NT5C1B: variants seen among roughly 807,000 people sequenced by gnomAD.
The protein encoded by NT5C1B is 5'-nucleotidase, cytosolic IB.
NT5C1B carries 44 observed loss-of-function variants against 57.8 expected under a neutral mutation model. That is an observed-to-expected ratio of 0.76 (90% CI 0.60 to 0.98). The LOEUF is 0.98. NT5C1B is among the 50% of genes least tolerant of loss of function. The pLI is 0.00. For missense variants in NT5C1B, 742 were observed against 719.5 expected (o/e 1.03, Z -0.36); for synonymous variants, 284 against 282.6 (o/e 1.00, Z -0.05).
rs748019992 is a variant in NT5C1B, at chr2:18,585,121, G to A, written c.259-143C>T. On this transcript the variant is annotated intron_variant, in intron 3 of 8. Transcript: ENST00000304081. ...TCCTTAAGTAGGGCTTAAGGGACTC[G>A]GACATTTCTAGGCCTCAGCTGTTTG... 7.4e-6 allele frequency: 8 copies of A among 1,087,816 alleles called. No homozygotes were observed. In the African/African-American group the frequency reaches 9.2e-5, roughly 13 times the overall value. The allele number at this position is 1,087,816 out of a possible 1,614,324, so 67.4% of individuals were successfully genotyped here. A position where few individuals can be genotyped will look rare whatever the true frequency, so the allele number is the denominator to read the frequency against.
chr2:18,571,686 T>C (rs1449051119), intron 8 of NT5C1B, among the ~76,000 whole-genome samples: 1 of 124,410 alleles, frequency 8.0e-6, no homozygotes, highest in Non-Finnish European at 1.6e-5. Context: ...GGAATCAGAC[T>C]GTACTCTCTC....
chr2:18,570,593 C>G (rs1665062495), intron 8 of NT5C1B, among the ~76,000 whole-genome samples: 1 of 151,906 alleles, frequency 6.6e-6, no homozygotes, highest in Non-Finnish European at 1.5e-5. Context: ...ATAATTGAAT[C>G]AGTAGTTAAA....
chr2:18,564,202 A>T, intron 8 of NT5C1B, 83 bp from the exon 9 acceptor site: 24 of 1,436,722 alleles, frequency 1.7e-5, no homozygotes, highest in Non-Finnish European at 2.2e-5. Flanking sequence ...ATATGATACG[A>T]TACAATACAA....
chr2:18,578,948 G>C (rs1662868823), intron 6 of NT5C1B, among the ~76,000 whole-genome samples: 2 of 152,118 alleles, frequency 1.3e-5, no homozygotes, highest in African/African-American at 4.8e-5. Flanking sequence ...AGCAGTTTCA[G>C]GATACAAAAT....
intron 8 of NT5C1B, among the ~76,000 whole-genome samples, chr2:18,573,320 C>T (rs938429017): frequency 6.6e-6 from 1 of 151,990 alleles, no homozygotes; most frequent in Non-Finnish European, 1.5e-5. Flanking sequence ...AGTGATTTAA[C>T]GAAACTGTTG....
intron 6 of NT5C1B, among the ~76,000 whole-genome samples, chr2:18,581,340 C>A (rs1666167245): frequency 2.0e-5 from 3 of 151,902 alleles, no homozygotes; most frequent in Admixed American, 2.0e-4. Flanking sequence ...ACAGAAAGGT[C>A]TCAGTTTAGG....
intron 8 of NT5C1B, among the ~76,000 whole-genome samples, chr2:18,570,579 C>A (rs1665060471): frequency 6.6e-6 from 1 of 151,934 alleles, no homozygotes; most frequent in Non-Finnish European, 1.5e-5. Flanking sequence ...CTATAGCTAT[C>A]AAAATAATTG....
chr2:18,563,574 T>C (rs1664366425), exon 9 of NT5C1B: 3 of 407,168 alleles, frequency 7.4e-6, no homozygotes, highest in Admixed American at 4.0e-5. Flanking sequence ...TACACAGAGA[T>C]AGGTGTAATG....
intron 6 of NT5C1B, 75 bp downstream of exon 6, chr2:18,582,793 C>G (rs1666292795): frequency 1.2e-5 from 18 of 1,560,126 alleles, no homozygotes; most frequent in Admixed American, 5.5e-5. Context: ...GGTTAAGCCA[C>G]AGTTAGCAAA....
rs1362158394 is a variant in NT5C1B, at chr2:18,584,992, A to G, written c.259-14T>C. The G allele has an allele frequency of 2.6e-6, 4 of 1,564,810 alleles. No individual in the cohort carries two copies. The highest frequency in any genetic ancestry group is 2.4e-5 in the South Asian group (2 of 84,998). Reference sequence around the variant, plus strand: ...GCTGCTGGGGAGCTGCAGCAAGACAATGGGCGTCTGAAGTCGAGGCCTGCC... The same window carrying G: ...GCTGCTGGGGAGCTGCAGCAAGACAGTGGGCGTCTGAAGTCGAGGCCTGCC... On this transcript the variant is annotated splice_polypyrimidine_tract_variant and intron_variant, in intron 3 of 8. Transcript: ENST00000304081. This position sits in a 1 kb window ranked among gnomAD's most constrained non-coding sequence, Gnocchi z 5.8.
At chr2:18,576,614 A>G (rs1234172851) in intron 7 of NT5C1B, among the ~76,000 whole-genome samples, 159 bp downstream of exon 7, 4 of 152,220 alleles carry the variant, frequency 2.6e-5, no homozygotes, top group Non-Finnish European at 1.5e-5. Context: ...CAGGAAAGTC[A>G]AAGCTCTAAA....
chr2:18,582,431 G>T (rs1666260714), intron 6 of NT5C1B, among the ~76,000 whole-genome samples: 1 of 152,190 alleles, frequency 6.6e-6, no homozygotes, highest in Non-Finnish European at 1.5e-5. Context: ...TTTTATGTGT[G>T]GGGAGAGAGA....
chr2:18,570,763 C>A (rs1665077464), intron 8 of NT5C1B, among the ~76,000 whole-genome samples: 1 of 152,050 alleles, frequency 6.6e-6, no homozygotes, highest in African/African-American at 2.4e-5. Context: ...AGAGGATGAA[C>A]ATGAATACAT....
intron 1 of NT5C1B, among the ~76,000 whole-genome samples, chr2:18,587,897 G>A (rs1200291347): frequency 6.6e-6 from 1 of 152,052 alleles, no homozygotes; most frequent in African/African-American, 2.4e-5. Context: ...TTGTGAAGTT[G>A]TTTATGTAGA....
rs1476079334 is a variant in NT5C1B at position 18,587,137 on chromosome 2, A to G, written c.120+366T>C. On this transcript the variant is annotated intron_variant, in intron 2 of 8. Transcript: ENST00000304081. ...GACGAGTGACCCTGGAAGGGGCAAC[A>G]TCTCAGCGAGTGATTCGGATTGACT... is the stretch of plus-strand genomic sequence containing the variant. 4 of 1,614,056 alleles carry G rather than the reference A, an allele frequency of 2.5e-6. No homozygotes were observed. In the South Asian group the frequency reaches 4.4e-5, roughly 18 times the overall value.
Position 18,575,542 on chromosome 2 carries a change from C to T in NT5C1B, c.1329+642G>A, listed in dbSNP as rs1665595445. On this transcript the variant is annotated intron_variant, in intron 8 of 8. Coordinates refer to ENST00000304081, the Ensembl canonical transcript of NT5C1B. ...ATCAGTTTAGATTCAGATTAAGTGA[C>T]ATTTTGATTTCAGATTTCCTTTTGT... Among the ~76,000 whole-genome samples the T allele has an allele frequency of 2.0e-5, 3 of 152,222 alleles. No homozygotes were observed. In the South Asian group the frequency reaches 6.2e-4, roughly 32 times the overall value.
At chr2:18,585,252 C>T in intron 3 of NT5C1B, 2 of 713,300 alleles carry the variant, frequency 2.8e-6, no homozygotes, top group Non-Finnish European at 5.2e-6. Flanking sequence ...AGGACCCAGT[C>T]CTCTTCCTCC....
In NT5C1B at chr2:18,584,438, G is replaced by A. The variant is rs1173159229; in HGVS notation, c.723+76C>T. The A allele has an allele frequency of 2.6e-6, 4 of 1,551,800 alleles. No individual in the cohort carries two copies. Among genetic ancestry groups the A allele is most frequent in the East Asian group, 2.4e-5 (1 of 42,160 alleles). ...AGGAGAAGCGGGAGGACCTCCCTGC[G>A]CAGTGGAGAGGAGGGCGGCTGGAAG... On this transcript the variant is annotated intron_variant, in intron 4 of 8. Coordinates refer to ENST00000304081, the Ensembl canonical transcript of NT5C1B. This position sits in a 1 kb window ranked among gnomAD's most constrained non-coding sequence, Gnocchi z 5.8.
At chr2:18,586,119 G>A (rs1366696784) in intron 3 of NT5C1B, 135 bp downstream of exon 3, 9 of 1,351,024 alleles carry the variant, frequency 6.7e-6, no homozygotes, top group Admixed American at 2.7e-5. Flanking sequence ...CGGGCAGAAG[G>A]GAGTTCTCCC....
Sources: allele counts gnomAD v4.1 joint callset (sites outside exome capture counted in the v4.1 genomes callset), GRCh38; gene constraint gnomAD v4.1.1; non-coding constraint Gnocchi (gnomAD v3.1); transcripts MANE v1.5; gene names NCBI Gene and HGNC (gene_info 2026-07-23, HGNC 2026-07-21).